EXOC7: variants seen among roughly 807,000 people sequenced by gnomAD.
EXOC7 encodes the protein exocyst complex component 7, also known as exocyst complex component Exo70.
A neutral mutation model predicts 87.6 loss-of-function variants in EXOC7; 51 were observed. The observed-to-expected ratio is 0.58, with a 90% confidence interval of 0.46 to 0.73. The LOEUF is 0.73. EXOC7 is among the 30% of genes least tolerant of loss of function. The pLI is 0.00. For synonymous variants in EXOC7, 327 were observed against 357.1 expected (o/e 0.92, Z 0.95); for missense variants, 744 against 888.4 (o/e 0.84, Z 2.07).
Position 76,103,374 on chromosome 17 carries a change from A to G in EXOC7, c.113T>C (p.Leu38Pro). 6.2e-7 allele frequency: 1 copy of G among 1,603,676 alleles called. No homozygotes were observed. The highest frequency in any genetic ancestry group is 1.1e-5 in the South Asian group (1 of 88,930). Reference sequence around the variant, plus strand: ...GGGGAGACTCACCATGTTCTTAGTGAGCTGGTCGCTCTTCTCCAGGCTGTC... The same window carrying G: ...GGGGAGACTCACCATGTTCTTAGTGGGCTGGTCGCTCTTCTCCAGGCTGTC... ...IRDSLEKSDQ[L>P]TKNMVSILSS... Residue 38 changes from leucine (L) to proline (P), a missense_variant, in exon 2 of 19, where the codon CTC (leucine) becomes CCC (proline). By Grantham distance (98) the Leu-to-Pro change is moderately conservative. This residue lies in a region of EXOC7 where 512 missense variants were observed against 573.0 expected (regional missense o/e 0.89). Coordinates refer to ENST00000589210, the MANE Select transcript of EXOC7 (RefSeq NM_001013839.4).
chr17:76,084,148 CA>C lies in EXOC7; in HGVS notation c.1819-10del, dbSNP rs1567956552. 3 of 1,592,658 alleles carry C rather than the reference CA, an allele frequency of 1.9e-6. No homozygotes were observed. Among genetic ancestry groups the C allele is most frequent in the Non-Finnish European group, 2.6e-6 (3 of 1,170,368 alleles). ...AGGCCATCATTGAAGCCCTGGCCAC[CA>C]AAAAGGTGAAAAAGGAAGGCACCCA... On this transcript the variant is annotated splice_polypyrimidine_tract_variant and intron_variant, in intron 17 of 18. Transcript: ENST00000589210.
At chr17:76,094,708 A>C in intron 5 of EXOC7, 127 bp from the exon 6 acceptor site, 1 of 900,138 alleles carries the variant, frequency 1.1e-6, no homozygotes, top group East Asian at 2.6e-5. Context: ...GTCACAAGCC[A>C]CCCATATCTT....
In EXOC7 at chr17:76,088,146, C is replaced by G. The variant is rs751039962; in HGVS notation, c.1300-24G>C. Reference sequence around the variant, plus strand: ...TTCTGTGGAAAAACAGCCTCTGGTTCCCTGAAGCAGCCCCCAGCCCACCCC... The same window carrying G: ...TTCTGTGGAAAAACAGCCTCTGGTTGCCTGAAGCAGCCCCCAGCCCACCCC... On this transcript the variant is annotated intron_variant, in intron 10 of 18. Coordinates refer to ENST00000589210, the MANE Select transcript of EXOC7 (RefSeq NM_001013839.4). 4.3e-6 allele frequency: 7 copies of G among 1,612,372 alleles called. No individual in the cohort carries two copies. In the South Asian group the frequency reaches 6.6e-5, roughly 15 times the overall value.
In EXOC7 at chr17:76,087,703, C is replaced by G. The variant is rs2067274136; in HGVS notation, c.1380G>C (p.Gln460His). 1 of 1,551,296 alleles carries G rather than the reference C, an allele frequency of 6.4e-7. No individual in the cohort carries two copies. ...ELTSNAILFL[Q>H]QLLDFQETAG... ...CCGTCTCCTGGAAGTCCAAAAGCTGCTGCAGGAAGAGGATGGCCTGGGTGG... is the reference window on the plus strand; with the variant it reads ...CCGTCTCCTGGAAGTCCAAAAGCTGGTGCAGGAAGAGGATGGCCTGGGTGG... The change falls in exon 12 of 19, where the codon CAG becomes CAC. Residue 460 changes from glutamine to histidine, a missense_variant. By Grantham distance (24) the Gln-to-His change is conservative (BLOSUM62 0). Transcript: ENST00000589210.
intron 12 of EXOC7, chr17:76,086,780 G>A: frequency 3.0e-6 from 4 of 1,355,800 alleles, no homozygotes; most frequent in South Asian, 2.5e-5. Flanking sequence ...TAGGTACTGA[G>A]AGTCAGTCCC....
At position 76,084,116 on chromosome 17, in the gene EXOC7, T is replaced by C; in HGVS notation, c.1842A>G (p.Glu614=). Residue 614 remains glutamate, a synonymous_variant, in exon 18 of 19, where the codon GAA becomes GAG. Transcript: ENST00000589210. ...RFKGFNDGLE[E]LCKIQKAWAI... ...CCCAGGCCTTCTGGATTTTGCACAG[T>C]TCTTCGAGGCCATCATTGAAGCCCT... 1 of 1,603,730 alleles carries C rather than the reference T, an allele frequency of 6.2e-7. No individual in the cohort carries two copies. Among genetic ancestry groups the C allele is most frequent in the Non-Finnish European group, 8.5e-7 (1 of 1,176,274 alleles).
At chr17:76,086,955 T>A (rs964939551) in intron 12 of EXOC7, 32 of 1,452,442 alleles carry the variant, frequency 2.2e-5, no homozygotes, top group Admixed American at 4.0e-5. Context: ...GGGAGAAAGA[T>A]GCAAAGTGCA....
At chr17:76,095,628 C>G (rs2144668452) in intron 5 of EXOC7, among the ~76,000 whole-genome samples, 1 of 152,134 alleles carries the variant, frequency 6.6e-6, no homozygotes, top group Admixed American at 6.6e-5. Flanking sequence ...TGTGATAGTC[C>G]TATCAGATAG....
At chr17:76,084,757 CTT>C in intron 15 of EXOC7, 177 bp from the exon 16 acceptor site, 1 of 608,628 alleles carries the variant, frequency 1.6e-6, no homozygotes, top group Non-Finnish European at 2.9e-6. Context: ...AAACTGGTCA[CTT>C]TTTGAGATAA....
chr17:76,100,836 C>T (rs1011227999), intron 4 of EXOC7, among the ~76,000 whole-genome samples: 4 of 151,904 alleles, frequency 2.6e-5, no homozygotes, highest in Admixed American at 1.3e-4. Flanking sequence ...CAAAAATTAG[C>T]CAGGTGCGGT....
chr17:76,092,011 G>A (rs1401615911), intron 6 of EXOC7, among the ~76,000 whole-genome samples: 2 of 152,194 alleles, frequency 1.3e-5, no homozygotes, highest in Non-Finnish European at 2.9e-5. Context: ...ACCCACAGCC[G>A]CCTGGGTCAG....
rs1013448283 is a variant in EXOC7, at chr17:76,101,996, G to A, written c.127-133C>T. The A allele has an allele frequency of 7.6e-6, 5 of 655,588 alleles. No individual in the cohort carries two copies. The Admixed American group carries it at 1.6e-4, about 21-fold the overall frequency. 40.6% of individuals were successfully genotyped at this position (655,588 alleles called of 1,614,324 possible). On this transcript the variant is annotated intron_variant, in intron 2 of 18. Coordinates refer to ENST00000589210, the MANE Select transcript of EXOC7 (RefSeq NM_001013839.4). ...AACTCCACAAGCGAAGGAACAGGGT[G>A]TACCTGTTCCCCACTGTATCTTCAG...
At chr17:76,102,407 TACACACACAG>T (rs1272162499) in intron 2 of EXOC7, among the ~76,000 whole-genome samples, 7 of 122,362 alleles carry the variant, frequency 5.7e-5, no homozygotes, top group South Asian at 2.7e-4. Context: ...AGACCCTGTC[TACACACACAG>T]ACACACACAC....
rs1338850346 is a variant in EXOC7 at position 76,086,762 on chromosome 17, C to A, written c.1430-617G>T. The A allele has an allele frequency of 5.1e-6, 6 of 1,172,706 alleles. No homozygotes were observed. In the African/African-American group the frequency reaches 9.2e-5, roughly 18 times the overall value. The allele number at this position is 1,172,706 out of a possible 1,614,324, so 72.6% of individuals were successfully genotyped here. A position where few individuals can be genotyped will look rare whatever the true frequency, so the allele number is the denominator to read the frequency against. On this transcript the variant is annotated intron_variant, in intron 12 of 18. Transcript: ENST00000589210. ...AAACTCATGTCCCCTCTGACTCAGGCTCCCCAGTAGGTACTGAGAGTCAGT... is the reference window on the plus strand; with the variant it reads ...AAACTCATGTCCCCTCTGACTCAGGATCCCCAGTAGGTACTGAGAGTCAGT...
At chr17:76,085,194 G>A (rs2067154874) in intron 15 of EXOC7, 120 bp downstream of exon 15, 1 of 797,196 alleles carries the variant, frequency 1.3e-6, no homozygotes, top group Admixed American at 2.2e-5. Flanking sequence ...CCAAGTGGAG[G>A]ATTAGGGTCC....
chr17:76,088,536 C>G lies in EXOC7; in HGVS notation c.1227G>C (p.Lys409Asn), dbSNP rs2067318207. 1.2e-6 allele frequency: 2 copies of G among 1,613,820 alleles called. No individual in the cohort carries two copies. The highest frequency in any genetic ancestry group is 2.7e-5 in the African/African-American group (2 of 74,918). ...LQGTAASTKN[K>N]LPGLITSMET... ...CCATGGATGTGATGAGGCCAGGCAG[C>G]TTGTTCTTTGTGCTGGCAGCCGTGC... Residue 409 changes from lysine (K) to asparagine (N), a missense_variant, in exon 10 of 19, where the codon AAG becomes AAC. Transcript: ENST00000589210.
chr17:76,092,361 C>G (rs2144649454), intron 6 of EXOC7: 1 of 149,968 alleles, frequency 6.7e-6, no homozygotes, highest in East Asian at 1.9e-4. Flanking sequence ...GTGGCACGAC[C>G]TCGGCTCACT....
At chr17:76,102,346 G>A (rs1032736591) in intron 2 of EXOC7, among the ~76,000 whole-genome samples, 8 of 151,980 alleles carry the variant, frequency 5.3e-5, no homozygotes, top group Admixed American at 1.3e-4. Context: ...AGGCTGAGGC[G>A]GGAGGTTAGC....
intron 7 of EXOC7, chr17:76,090,566 A>C: frequency 1.5e-6 from 2 of 1,318,202 alleles, no homozygotes; most frequent in South Asian, 1.4e-5. Flanking sequence ...ACCTCAAGCC[A>C]CCTTGGGAAC....
Sources: allele counts gnomAD v4.1 joint callset (sites outside exome capture counted in the v4.1 genomes callset), GRCh38; gene constraint gnomAD v4.1.1; regional missense constraint gnomAD v4.1.1; transcripts MANE v1.5; gene names NCBI Gene and HGNC (gene_info 2026-07-23, HGNC 2026-07-21).